Variants in CTNNA3 observed in about 807,000 individuals in gnomAD.
The protein encoded by CTNNA3 is catenin alpha-3.
CTNNA3 carries 76 observed loss-of-function variants against 95.7 expected under a neutral mutation model. That is an observed-to-expected ratio of 0.79 (90% CI 0.66 to 0.96). The LOEUF (loss-of-function observed/expected upper bound fraction) is 0.96. CTNNA3 is among the 40% of genes least tolerant of loss of function. CTNNA3 has a pLI of 0.00. For synonymous variants in CTNNA3, 431 were observed against 374.4 expected (o/e 1.15, Z -1.74); for missense variants, 1,191 against 1,089.8 (o/e 1.09, Z -1.31).
chr10:67,509,673 G>T (rs962838861), intron 5 of CTNNA3, among the ~76,000 whole-genome samples: 1 of 152,282 alleles, frequency 6.6e-6, no homozygotes. Context: ...TGTCTTTATA[G>T]TAGCATGATT....
At chr10:66,736,479 T>C (rs4746636) in intron 9 of CTNNA3, among the ~76,000 whole-genome samples, 94,422 of 151,398 alleles carry the variant, frequency 0.62, 30,006 homozygotes, top group East Asian at 0.94. Context: ...AGGAGTGATC[T>C]GCCGCACCCA....
At chr10:67,312,277 T>A (rs1035215690) in intron 5 of CTNNA3, among the ~76,000 whole-genome samples, 3 of 152,158 alleles carry the variant, frequency 2.0e-5, no homozygotes, top group Admixed American at 2.0e-4. Context: ...ATCACCATGT[T>A]GGCCAGGCTG....
chr10:67,342,542 A>G (rs1356423836), intron 5 of CTNNA3, among the ~76,000 whole-genome samples: 1 of 152,184 alleles, frequency 6.6e-6, no homozygotes, highest in Non-Finnish European at 1.5e-5. Flanking sequence ...ATTTTCTCCA[A>G]CGTTTTCTGT....
intron 9 of CTNNA3, among the ~76,000 whole-genome samples, chr10:66,632,763 ATAAAGT>A (rs1472194373): frequency 2.6e-5 from 4 of 151,994 alleles, no homozygotes; most frequent in South Asian, 2.1e-4. Flanking sequence ...AATATTGAAA[ATAAAGT>A]TAAAATACAA....
chr10:66,179,116 A>T (rs1472669420), intron 13 of CTNNA3, among the ~76,000 whole-genome samples: 1 of 152,058 alleles, frequency 6.6e-6, no homozygotes, highest in Admixed American at 6.6e-5. Flanking sequence ...TGTTTATAAT[A>T]GCTTAATTCA....
intron 9 of CTNNA3, among the ~76,000 whole-genome samples, chr10:66,675,713 C>T (rs756864768): frequency 1.2e-4 from 18 of 152,116 alleles, no homozygotes; most frequent in Admixed American, 3.3e-4. Context: ...ATGTGAACAA[C>T]TCAAAAGAGA....
chr10:67,336,972 A>C (rs1430471528), intron 5 of CTNNA3, among the ~76,000 whole-genome samples: 2 of 152,216 alleles, frequency 1.3e-5, no homozygotes, highest in Non-Finnish European at 2.9e-5. Flanking sequence ...GAGATATACA[A>C]GGAAATAAAT....
At chr10:66,459,138 CTT>C (rs1272799490) in intron 11 of CTNNA3, among the ~76,000 whole-genome samples, 1 of 152,104 alleles carries the variant, frequency 6.6e-6, no homozygotes, top group East Asian at 1.9e-4. Context: ...AAGATGAAGA[CTT>C]TTGATAGTCC....
chr10:67,560,512 G>A (rs527936013), intron 3 of CTNNA3, among the ~76,000 whole-genome samples: 3 of 152,104 alleles, frequency 2.0e-5, no homozygotes, highest in Non-Finnish European at 2.9e-5. Context: ...AGGAACAACC[G>A]GTACCAGCTA....
chr10:67,581,856 T>G (rs1405230215), intron 3 of CTNNA3, among the ~76,000 whole-genome samples: 4 of 152,204 alleles, frequency 2.6e-5, no homozygotes, highest in Non-Finnish European at 4.4e-5. Flanking sequence ...TAGAAGTGTT[T>G]ATAGTATTCT....
upstream of CTNNA3, among the ~76,000 whole-genome samples, chr10:67,697,148 C>A (rs903945906): frequency 2.6e-5 from 4 of 152,138 alleles, no homozygotes; most frequent in African/African-American, 9.6e-5. Context: ...TTCAGGATAG[C>A]CTTCAAAACA....
intron 11 of CTNNA3, among the ~76,000 whole-genome samples, chr10:66,434,186 C>A (rs1163727226): frequency 6.6e-6 from 1 of 152,026 alleles, no homozygotes; most frequent in Non-Finnish European, 1.5e-5. Flanking sequence ...TGAAAAAAGT[C>A]AATGGTTGCT....
intron 2 of CTNNA3, among the ~76,000 whole-genome samples, chr10:67,615,998 GA>G (rs539711770): frequency 6.6e-6 from 1 of 152,060 alleles, no homozygotes; most frequent in Non-Finnish European, 1.5e-5. Flanking sequence ...TGAGGAAAGT[GA>G]AAAAGGGTAA....
At chr10:66,844,228 T>G (rs1482901752) in intron 7 of CTNNA3, among the ~76,000 whole-genome samples, 1 of 152,228 alleles carries the variant, frequency 6.6e-6, no homozygotes, top group African/African-American at 2.4e-5. Flanking sequence ...CTTGTTCTTT[T>G]TGAGTAGTTT....
At chr10:67,744,880 T>C (rs1397485614) in intron 1 of CTNNA3, among the ~76,000 whole-genome samples, 1 of 152,128 alleles carries the variant, frequency 6.6e-6, no homozygotes, top group East Asian at 1.9e-4. Context: ...AAAGAAGACA[T>C]TTATGCAGCC....
intron 11 of CTNNA3, among the ~76,000 whole-genome samples, chr10:66,408,323 G>T (rs997588957): frequency 2.0e-5 from 3 of 151,974 alleles, no homozygotes; most frequent in African/African-American, 7.2e-5. Context: ...TTTTCCAAAT[G>T]GTGGCCTTTT....
At chr10:67,533,830 A>G (rs1409124187) in intron 4 of CTNNA3, among the ~76,000 whole-genome samples, 2 of 152,174 alleles carry the variant, frequency 1.3e-5, no homozygotes, top group Non-Finnish European at 2.9e-5. Context: ...ATCAGGAAAT[A>G]TATAGATACA....
At chr10:66,330,219 C>G (rs976832803) in intron 12 of CTNNA3, among the ~76,000 whole-genome samples, 8 of 151,734 alleles carry the variant, frequency 5.3e-5, no homozygotes, top group South Asian at 2.1e-4. Context: ...CCCTCCCCCC[C>G]TCTCCCCACC....
intron 7 of CTNNA3, among the ~76,000 whole-genome samples, chr10:67,022,219 T>C (rs762400200): frequency 5.9e-5 from 9 of 151,940 alleles, no homozygotes; most frequent in African/African-American, 1.7e-4. Context: ...ATATAAAAGA[T>C]AGGAAATTCA....
Sources: allele counts gnomAD v4.1 joint callset (sites outside exome capture counted in the v4.1 genomes callset), GRCh38; gene constraint gnomAD v4.1.1; transcripts MANE v1.5; gene names NCBI Gene and HGNC (gene_info 2026-07-23, HGNC 2026-07-21).